The following SRD5A2 variants were observed in gnomAD, a reference collection of about 807,000 sequenced individuals.
The protein encoded by SRD5A2 is steroid 5 alpha-reductase 2.
In SRD5A2, 30 loss-of-function variants were observed where a neutral mutation model predicts 27.4. The ratio of observed to expected loss-of-function variants is 1.10; its 90% CI spans 0.82 to 1.49. SRD5A2 has a LOEUF of 1.49. Ranked by LOEUF, SRD5A2 falls within the 40% of genes most tolerant of loss-of-function variation. SRD5A2 has a pLI of 0.00. For synonymous variants in SRD5A2, 141 were observed against 133.6 expected (o/e 1.06, Z -0.38); for missense variants, 348 against 323.4 (o/e 1.08, Z -0.58).
intron 1 of SRD5A2, among the ~76,000 whole-genome samples, chr2:31,536,398 G>A (rs1572633235): frequency 1.3e-5 from 2 of 152,182 alleles, no homozygotes. Context: ...GGAATCTTCT[G>A]CATCTATCCA....
the SRD5A2 span, among the ~76,000 whole-genome samples, chr2:31,646,978 C>T: frequency 2.0e-5 from 3 of 152,048 alleles, no homozygotes. Flanking sequence ...AAAACCTTGT[C>T]TCTACTGAAT....
the SRD5A2 span, among the ~76,000 whole-genome samples, chr2:31,654,706 C>A: frequency 3.3e-5 from 5 of 152,154 alleles, no homozygotes; most frequent in Non-Finnish European, 7.3e-5. Context: ...TACTGAAGCA[C>A]CACCTGTTCT....
chr2:31,616,953 T>C, the SRD5A2 span, among the ~76,000 whole-genome samples: 7 of 152,136 alleles, frequency 4.6e-5, no homozygotes, highest in South Asian at 2.1e-4. Flanking sequence ...AATTGAATCA[T>C]GCGAGCAGTT....
intron 1 of SRD5A2, among the ~76,000 whole-genome samples, chr2:31,540,539 G>C (rs763628804): frequency 1.3e-5 from 2 of 152,208 alleles, no homozygotes; most frequent in African/African-American, 2.4e-5. Flanking sequence ...AAGGAAGGTA[G>C]GGAGAGCATC....
chr2:31,613,871 A>T, the SRD5A2 span, among the ~76,000 whole-genome samples: 1 of 152,292 alleles, frequency 6.6e-6, no homozygotes, highest in East Asian at 1.9e-4. Context: ...TCTCATTTAT[A>T]AAACCATCAG....
chr2:31,554,205 A>G (rs1223752608), intron 1 of SRD5A2, among the ~76,000 whole-genome samples: 2 of 152,140 alleles, frequency 1.3e-5, no homozygotes, highest in Non-Finnish European at 2.9e-5. Flanking sequence ...GGAGAAAGGG[A>G]AAAAGACCCG....
At chr2:31,593,302 G>A in the SRD5A2 span, among the ~76,000 whole-genome samples, 3 of 151,940 alleles carry the variant, frequency 2.0e-5, no homozygotes, top group African/African-American at 7.2e-5. Flanking sequence ...ACAAAATATG[G>A]ATGAAAAATT....
At chr2:31,599,831 T>A in the SRD5A2 span, among the ~76,000 whole-genome samples, 1 of 147,000 alleles carries the variant, frequency 6.8e-6, no homozygotes, top group African/African-American at 2.6e-5. Flanking sequence ...TGTAAAAGAT[T>A]TTTTTCTTTT....
intron 1 of SRD5A2, 106 bp from the exon 2 acceptor site, chr2:31,533,872 C>T: frequency 7.6e-7 from 1 of 1,311,138 alleles, no homozygotes; most frequent in Non-Finnish European, 1.0e-6. Context: ...AAACCAGGCT[C>T]TGCCATTTCG....
rs534492413 is a variant in SRD5A2, at chr2:31,564,672, A to G, written c.281+15948T>C. Among the ~76,000 whole-genome samples, 29 of 152,198 alleles carry G rather than the reference A, an allele frequency of 1.9e-4. No homozygotes were observed. In the South Asian group the frequency reaches 5.8e-3, roughly 30 times the overall value. ...AAAGATAAGAAGATACGTTAAGTACAGAGGACAAGGATAAGGGCAAGAACA... is the reference window on the plus strand; with the variant it reads ...AAAGATAAGAAGATACGTTAAGTACGGAGGACAAGGATAAGGGCAAGAACA... On this transcript the variant is annotated intron_variant, in intron 1 of 4. Transcript: ENST00000622030.
At chr2:31,565,059 A>G (rs1027888945) in intron 1 of SRD5A2, among the ~76,000 whole-genome samples, 2 of 151,928 alleles carry the variant, frequency 1.3e-5, no homozygotes, top group Non-Finnish European at 2.9e-5. Flanking sequence ...CAACAACAAT[A>G]ACATAAGGGC....
chr2:31,568,239 C>T (rs1666776344), intron 1 of SRD5A2, among the ~76,000 whole-genome samples: 1 of 152,164 alleles, frequency 6.6e-6, no homozygotes, highest in Admixed American at 6.5e-5. Flanking sequence ...CTCTTCTCTC[C>T]TTCTTGTTGC....
upstream of SRD5A2, among the ~76,000 whole-genome samples, chr2:31,583,236 A>C (rs903831662): frequency 1.3e-5 from 2 of 152,208 alleles, no homozygotes; most frequent in African/African-American, 4.8e-5. Flanking sequence ...CACCATGTCT[A>C]TATAATGTTA....
At chr2:31,538,231 C>T (rs1032252708) in intron 1 of SRD5A2, among the ~76,000 whole-genome samples, 1 of 152,192 alleles carries the variant, frequency 6.6e-6, no homozygotes, top group Admixed American at 6.5e-5. Context: ...TTGCACTTCC[C>T]TCGGTCTTCC....
chr2:31,629,507 T>C, the SRD5A2 span, among the ~76,000 whole-genome samples: 2 of 152,180 alleles, frequency 1.3e-5, no homozygotes, highest in Admixed American at 1.3e-4. Flanking sequence ...TAAAAATGAT[T>C]AGCATAGCCG....
At chr2:31,534,150 T>C (rs557158570) in intron 1 of SRD5A2, among the ~76,000 whole-genome samples, 20 of 152,132 alleles carry the variant, frequency 1.3e-4, no homozygotes, top group Non-Finnish European at 2.6e-4. Context: ...ATAAAAATAA[T>C]TTATCAAAAA....
chr2:31,584,080 G>C (rs1006025413), upstream of SRD5A2, among the ~76,000 whole-genome samples: 3 of 152,160 alleles, frequency 2.0e-5, no homozygotes, highest in Admixed American at 2.0e-4. Context: ...CAGGAGAATA[G>C]TGGCCCAGGG....
At chr2:31,552,540 T>A (rs1001173947) in intron 1 of SRD5A2, among the ~76,000 whole-genome samples, 1 of 151,900 alleles carries the variant, frequency 6.6e-6, no homozygotes, top group South Asian at 2.1e-4. Context: ...TCTGTGAGAT[T>A]GGGAGAAATT....
the SRD5A2 span, among the ~76,000 whole-genome samples, chr2:31,589,246 G>C: frequency 1.3e-5 from 2 of 152,300 alleles, no homozygotes; most frequent in African/African-American, 4.8e-5. Context: ...TGTCAAGAGA[G>C]CTTGTACAGT....
Sources: allele counts gnomAD v4.1 joint callset (sites outside exome capture counted in the v4.1 genomes callset), GRCh38; gene constraint gnomAD v4.1.1; transcripts MANE v1.5; gene names NCBI Gene and HGNC (gene_info 2026-07-23, HGNC 2026-07-21).